The following SLC1A6 variants were observed in gnomAD, a reference collection of about 807,000 sequenced individuals.
SLC1A6 encodes the protein solute carrier family 1 member 6.
A neutral mutation model predicts 42.1 loss-of-function variants in SLC1A6; 15 were observed. The observed-to-expected ratio is 0.36, with a 90% confidence interval of 0.24 to 0.55. SLC1A6 has a LOEUF of 0.55. Among genes scored for constraint, SLC1A6 ranks in the 20% least tolerant of loss-of-function variants. The pLI is 0.88. For missense variants in SLC1A6, 542 were observed against 772.5 expected, an observed-to-expected ratio of 0.70 and a Z score of 3.54; for synonymous variants, 317 against 319.7, an observed-to-expected ratio of 0.99 and a Z score of 0.09.
At chr19:14,956,366 C>G in intron 7 of SLC1A6, 110 bp downstream of exon 7, 1 of 656,830 alleles carries the variant, frequency 1.5e-6, no homozygotes, top group Non-Finnish European at 2.6e-6. Context: ...CATTGTTGGA[C>G]GACTCAGAAG....
chr19:15,002,634 G>A (rs1455801650), intron 1 of SLC1A6, among the ~76,000 whole-genome samples: 2 of 152,178 alleles, frequency 1.3e-5, no homozygotes, highest in African/African-American at 2.4e-5. Flanking sequence ...GACCATTCAG[G>A]GCCATCTGAA....
chr19:14,965,584 T>C (rs995756042), intron 4 of SLC1A6, among the ~76,000 whole-genome samples: 1 of 152,146 alleles, frequency 6.6e-6, no homozygotes, highest in Admixed American at 6.5e-5. Flanking sequence ...GTGCAGTGGC[T>C]TACACCTGTA....
chr19:14,973,614 T>C (rs2045670319), intron 1 of SLC1A6: 1 of 152,858 alleles, frequency 6.5e-6, no homozygotes, highest in South Asian at 2.1e-4. Flanking sequence ...ACACCCTGAC[T>C]CCAGCCCACT....
intron 3 of SLC1A6, among the ~76,000 whole-genome samples, chr19:14,969,819 C>G (rs1346313642): frequency 6.6e-6 from 1 of 152,198 alleles, no homozygotes; most frequent in Admixed American, 6.5e-5. Context: ...CACAACCATG[C>G]CCATTTGTTC....
At position 14,974,554 on chromosome 19, in the gene SLC1A6, T is replaced by A. The variant is rs776238057; in HGVS notation, c.-7-1637A>T. On this transcript the variant is annotated intron_variant, in intron 1 of 9. Coordinates refer to ENST00000594383, the MANE Select transcript of SLC1A6 (RefSeq NM_005071.3). ...GGCGGCTCAGAAATTGTGATTTTCA[T>A]GGGCCTGAGGAACTTTTCTCTTTGT... 33 of 152,082 alleles carry A rather than the reference T, an allele frequency of 2.2e-4. 1 individual carries two copies. Among genetic ancestry groups the A allele is most frequent in the African/African-American group, 7.7e-4 (32 of 41,514 alleles). The allele number at this position is 152,082 out of a possible 1,614,324, so 9.4% of individuals were successfully genotyped here. A position where few individuals can be genotyped will look rare whatever the true frequency, so the allele number is the denominator to read the frequency against.
chr19:15,002,923 C>T (rs940024696), intron 1 of SLC1A6, among the ~76,000 whole-genome samples: 2 of 150,076 alleles, frequency 1.3e-5, no homozygotes, highest in Non-Finnish European at 3.0e-5. Flanking sequence ...TGTTTGTTTT[C>T]GGTTTGTGTT....
At chr19:14,955,911 G>T (rs1425490996) in intron 7 of SLC1A6, among the ~76,000 whole-genome samples, 1 of 151,918 alleles carries the variant, frequency 6.6e-6, no homozygotes, top group Admixed American at 6.6e-5. Context: ...CTCCAGCCTG[G>T]GTGACAGAGT....
At chr19:14,976,859 G>A (rs955733625) in intron 1 of SLC1A6, 1 of 152,066 alleles carries the variant, frequency 6.6e-6, no homozygotes, top group Non-Finnish European at 1.5e-5. Flanking sequence ...TGGCTTTTCT[G>A]GGATCTTCCT....
chr19:14,953,216 TGCCTC>T (rs564458804), intron 8 of SLC1A6, among the ~76,000 whole-genome samples, 154 bp from the exon 9 acceptor site: 4 of 151,490 alleles, frequency 2.6e-5, no homozygotes, highest in African/African-American at 7.3e-5. Context: ...TACTGCTTGA[TGCCTC>T]GCCTCGCCTC....
intron 1 of SLC1A6, among the ~76,000 whole-genome samples, chr19:14,976,132 T>C (rs1278670127): frequency 6.6e-6 from 1 of 152,028 alleles, no homozygotes. Flanking sequence ...AGTATGGAGA[T>C]TTCTCAAAGA....
chr19:14,988,696 C>G (rs1233662831), intron 1 of SLC1A6, among the ~76,000 whole-genome samples: 1 of 152,168 alleles, frequency 6.6e-6, no homozygotes, highest in Non-Finnish European at 1.5e-5. Flanking sequence ...AGGCCATTAT[C>G]TTAAGCGAAA....
intron 9 of SLC1A6, among the ~76,000 whole-genome samples, chr19:14,951,509 GTTT>G (rs1040783756): frequency 4.3e-4 from 9 of 20,816 alleles, no homozygotes; most frequent in Admixed American, 2.2e-3. Flanking sequence ...GTTGTTGCTG[GTTT>G]TTGTTTTTGT....
intron 6 of SLC1A6, among the ~76,000 whole-genome samples, chr19:14,960,732 A>C (rs558784336): frequency 1.3e-5 from 2 of 152,310 alleles, no homozygotes; most frequent in African/African-American, 4.8e-5. Flanking sequence ...AAACTCACAG[A>C]AGCAGGGAGT....
chr19:14,965,051 GCT>G (rs2145187459), intron 4 of SLC1A6, among the ~76,000 whole-genome samples: 1 of 149,384 alleles, frequency 6.7e-6, no homozygotes, highest in African/African-American at 2.5e-5. Flanking sequence ...ATGGAGTCTT[GCT>G]CTGTCGCCCA....
intron 4 of SLC1A6, among the ~76,000 whole-genome samples, chr19:14,964,753 T>A (rs2045554292): frequency 6.6e-6 from 1 of 152,166 alleles, no homozygotes; most frequent in Non-Finnish European, 1.5e-5. Context: ...CACAGAAAAC[T>A]CTTAAACCCT....
chr19:14,972,410 C>T (rs929659089), intron 2 of SLC1A6, among the ~76,000 whole-genome samples: 3 of 150,326 alleles, frequency 2.0e-5, no homozygotes, highest in Non-Finnish European at 4.4e-5. Flanking sequence ...GTTCAATGCA[C>T]GCATATGTGT....
chr19:14,955,472 C>T lies in SLC1A6; in HGVS notation c.1169+1004G>A, dbSNP rs559341082. The stretch of plus-strand genomic sequence containing the variant: ...TAGCCGGGAGGGCTAAAAAATTAGC[C>T]GGGAGGACTGGAATCAGGCACCTGT... On this transcript the variant is annotated intron_variant, in intron 7 of 9. Transcript: ENST00000594383. Among the ~76,000 whole-genome samples the T allele has an allele frequency of 4.6e-5, 7 of 151,462 alleles. No individual in the cohort carries two copies. In the South Asian group the frequency reaches 1.3e-3, roughly 27 times the overall value.
chr19:14,972,633 T>G, intron 2 of SLC1A6, 73 bp downstream of exon 2: 1 of 1,273,494 alleles, frequency 7.9e-7, no homozygotes, highest in Non-Finnish European at 1.1e-6. Context: ...CAAAGAGATG[T>G]GTAGAGGCCA....
intron 1 of SLC1A6, chr19:14,975,080 C>T (rs952692120): frequency 7.2e-5 from 11 of 151,998 alleles, no homozygotes; most frequent in African/African-American, 2.4e-4. Flanking sequence ...TTGTTTCTGT[C>T]TTCTGATTTT....
Sources: gnomAD v4.1 joint callset for allele counts (sites outside exome capture counted in the v4.1 genomes callset) on GRCh38, gnomAD v4.1.1 for gene constraint, MANE v1.5 for transcripts, NCBI Gene and HGNC (gene_info 2026-07-23, HGNC 2026-07-21) for gene names.